The following ARFGAP3 variants were observed in gnomAD, a reference collection of about 807,000 sequenced individuals.
ARFGAP3 encodes ADP-ribosylation factor GTPase-activating protein 3.
ARFGAP3 carries 72 observed loss-of-function variants against 75.0 expected under a neutral mutation model. That is an observed-to-expected ratio of 0.96 (90% CI 0.79 to 1.17). The LOEUF is 1.17. Among genes scored for constraint, ARFGAP3 ranks in the 50% most tolerant of loss-of-function variants. The probability of loss-of-function intolerance (pLI) is 0.00; values close to 1 mark genes in which losing one functional copy is unlikely to be tolerated. For missense variants in ARFGAP3, 620 were observed against 626.6 expected (o/e 0.99, Z 0.11); for synonymous variants, 221 against 217.9 (o/e 1.01, Z -0.13).
At chr22:42,844,174 G>A (rs746888391) in intron 2 of ARFGAP3, among the ~76,000 whole-genome samples, 3 of 148,190 alleles carry the variant, frequency 2.0e-5, no homozygotes, top group Non-Finnish European at 4.5e-5. Flanking sequence ...CAATTAGCTA[G>A]TGGTTTTTTT....
intron 1 of ARFGAP3, 139 bp from the exon 2 acceptor site, chr22:42,847,771 T>C: frequency 1.0e-6 from 1 of 999,068 alleles, no homozygotes; most frequent in East Asian, 3.8e-5. Context: ...AGAAAATATC[T>C]CACCTAGGTT....
At chr22:42,856,006 A>G (rs987824457) in intron 1 of ARFGAP3, among the ~76,000 whole-genome samples, 4 of 152,124 alleles carry the variant, frequency 2.6e-5, no homozygotes, top group African/African-American at 9.7e-5. Context: ...AAGGCACTAC[A>G]CTTCAGCCTG....
intron 11 of ARFGAP3, among the ~76,000 whole-genome samples, chr22:42,815,960 A>G (rs1925561585): frequency 6.6e-6 from 1 of 152,108 alleles, no homozygotes; most frequent in Non-Finnish European, 1.5e-5. Context: ...TAAAAATACA[A>G]AAAATTAGCC....
intron 7 of ARFGAP3, 113 bp downstream of exon 7, chr22:42,826,827 C>A: frequency 2.8e-6 from 2 of 715,314 alleles, no homozygotes; most frequent in South Asian, 4.6e-5. Context: ...CAGATTCGGT[C>A]ATGATTATAT....
chr22:42,805,331 A>T (rs1412226691), intron 14 of ARFGAP3, among the ~76,000 whole-genome samples: 8 of 152,326 alleles, frequency 5.3e-5, no homozygotes, highest in East Asian at 3.9e-4. Context: ...AAAAAAACAA[A>T]CAGTGCTTCA....
chr22:42,811,083 G>A, intron 11 of ARFGAP3, 139 bp from the exon 12 acceptor site: 2 of 1,342,000 alleles, frequency 1.5e-6, no homozygotes, highest in East Asian at 2.5e-5. Flanking sequence ...AATGAGACAG[G>A]AGCAGACACG....
chr22:42,834,260 GGCAAAAA>G lies in ARFGAP3; in HGVS notation c.452_458del (p.Phe151SerfsTer8). On this transcript the variant is annotated frameshift_variant, in exon 5 of 16. Transcript: ENST00000263245. LOFTEE classifies it high-confidence loss of function. ...TACATACCTCAGGAGAAACGTGAGA[GGCAAAAA>G]AATCTTCCTCCTTTGGTGGAGGGGA... 1.2e-6 allele frequency: 2 copies of G among 1,613,766 alleles called. No individual in the cohort carries two copies. The highest frequency in any genetic ancestry group is 1.7e-6 in the Non-Finnish European group (2 of 1,179,934).
intron 7 of ARFGAP3, among the ~76,000 whole-genome samples, chr22:42,826,270 G>C (rs1045694460): frequency 6.6e-6 from 1 of 152,144 alleles, no homozygotes; most frequent in African/African-American, 2.4e-5. Flanking sequence ...TGAGTAAAAA[G>C]GAATGGTGTA....
intron 14 of ARFGAP3, among the ~76,000 whole-genome samples, chr22:42,800,242 G>C (rs150531022): frequency 2.0e-5 from 3 of 152,282 alleles, no homozygotes; most frequent in Non-Finnish European, 4.4e-5. Flanking sequence ...TTACAAAACA[G>C]AAACCCACCA....
rs747101885 is a variant in ARFGAP3, at chr22:42,807,113, G to C, written c.1371C>G (p.Ser457Arg). 6.2e-7 allele frequency: 1 copy of C among 1,612,918 alleles called. No individual in the cohort carries two copies. The highest frequency in any genetic ancestry group is 2.2e-5 in the East Asian group (1 of 44,882). ...LERLSASSSI[S>R]SADLFEEPRK... ...TCGGCTCCTCGAACAGATCAGCCGA[G>C]CTTATGGAGGAACTTGCCGACAGCC... The change falls in exon 14 of 16, where the codon AGC becomes AGG. Residue 457 changes from serine to arginine, a missense_variant. Coordinates refer to ENST00000263245, the MANE Select transcript of ARFGAP3 (RefSeq NM_014570.5).
chr22:42,819,512 C>T (rs1170105050), intron 9 of ARFGAP3, among the ~76,000 whole-genome samples: 1 of 152,154 alleles, frequency 6.6e-6, no homozygotes, highest in African/African-American at 2.4e-5. Flanking sequence ...CAGAACACCG[C>T]GTTTCTCAGA....
At chr22:42,842,304 C>CTT (rs58205841) in intron 2 of ARFGAP3, among the ~76,000 whole-genome samples, 4 of 120,356 alleles carry the variant, frequency 3.3e-5, no homozygotes, top group Admixed American at 8.9e-5. Flanking sequence ...CGTGCCTGGC[C>CTT]TTTTTTTTTT....
intron 6 of ARFGAP3, among the ~76,000 whole-genome samples, chr22:42,831,235 C>T (rs1465761975): frequency 2.1e-5 from 3 of 142,486 alleles, no homozygotes; most frequent in Admixed American, 7.3e-5. Context: ...TGCAGTGAGC[C>T]GAGATCACAC....
chr22:42,833,881 A>C (rs1257610264), intron 5 of ARFGAP3, among the ~76,000 whole-genome samples: 1 of 152,158 alleles, frequency 6.6e-6, no homozygotes, highest in Non-Finnish European at 1.5e-5. Flanking sequence ...GTGCCACTGC[A>C]CTCCAGCCTG....
intron 9 of ARFGAP3, among the ~76,000 whole-genome samples, chr22:42,821,396 C>T (rs932979704): frequency 2.0e-5 from 3 of 152,212 alleles, no homozygotes; most frequent in African/African-American, 7.2e-5. Context: ...TCTCTCCTCA[C>T]CCCAGGCCCT....
chr22:42,815,387 A>G (rs999142771), intron 11 of ARFGAP3, among the ~76,000 whole-genome samples: 1 of 150,610 alleles, frequency 6.6e-6, no homozygotes, highest in African/African-American at 2.4e-5. Flanking sequence ...TGAAAATACC[A>G]CCATGGAACA....
intron 11 of ARFGAP3, among the ~76,000 whole-genome samples, chr22:42,816,836 C>T (rs1323300902): frequency 1.3e-5 from 2 of 152,214 alleles, no homozygotes; most frequent in African/African-American, 4.8e-5. Context: ...GACTAAACAA[C>T]ACATACCTTC....
In ARFGAP3 at chr22:42,797,571, A is replaced by G; in HGVS notation, c.*17T>C. 6.2e-7 allele frequency: 1 copy of G among 1,614,170 alleles called. No homozygotes were observed. Among genetic ancestry groups the G allele is most frequent in the Non-Finnish European group, 8.5e-7 (1 of 1,179,998 alleles). Reference sequence around the variant, plus strand: ...AAAGAGGAATTTCTCCAGGAAATACACATCATGACTTCAGTATTAAGAACC... The same window carrying G: ...AAAGAGGAATTTCTCCAGGAAATACGCATCATGACTTCAGTATTAAGAACC... On this transcript the variant is annotated 3_prime_UTR_variant, in exon 16 of 16. Coordinates refer to ENST00000263245, the MANE Select transcript of ARFGAP3 (RefSeq NM_014570.5).
At chr22:42,834,206 A>G in intron 5 of ARFGAP3, 36 bp downstream of exon 5, 1 of 1,584,976 alleles carries the variant, frequency 6.3e-7, no homozygotes, top group Non-Finnish European at 8.6e-7. Context: ...TGTCAGAGTA[A>G]GCACACTTTA....
Sources: allele counts gnomAD v4.1 joint callset (sites outside exome capture counted in the v4.1 genomes callset), GRCh38; gene constraint gnomAD v4.1.1; transcripts MANE v1.5; gene names NCBI Gene and HGNC (gene_info 2026-07-23, HGNC 2026-07-21).